The following PAX4 variants were observed in gnomAD, a reference collection of about 807,000 sequenced individuals.
PAX4 encodes paired box 4.
A neutral mutation model predicts 40.6 loss-of-function variants in PAX4; 33 were observed. That is an observed-to-expected ratio of 0.81 (90% CI 0.62 to 1.09). The LOEUF (loss-of-function observed/expected upper bound fraction) is 1.09. PAX4 is among the 50% of genes least tolerant of loss of function. The pLI is 0.00. For synonymous variants in PAX4, 174 were observed against 170.6 expected (o/e 1.02, Z -0.16); for missense variants, 459 against 442.5 (o/e 1.04, Z -0.33).
At chr7:127,614,636 C>G in intron 5 of PAX4, 79 bp from the exon 6 acceptor site, 1 of 1,290,988 alleles carries the variant, frequency 7.7e-7, no homozygotes, top group Non-Finnish European at 1.1e-6. Flanking sequence ...CCTTAATATC[C>G]TTTTTCCCAT....
Position 127,610,759 on chromosome 7 carries a change from G to T in PAX4, c.*305C>A, listed in dbSNP as rs186078309. 3.6e-4 allele frequency: 315 copies of T among 875,328 alleles called. 2 individuals are homozygous for T. In the African/African-American group the frequency reaches 3.9e-3, roughly 11 times the overall value. 54.2% of individuals were successfully genotyped at this position (875,328 alleles called of 1,614,324 possible). On this transcript the variant is annotated 3_prime_UTR_variant, in exon 12 of 12. Coordinates refer to ENST00000639438, the MANE Select transcript of PAX4 (RefSeq NM_001366110.1). Reference sequence around the variant, plus strand: ...CTATAATTGTTGAATATTAGAGTGGGCATAGGGGTGCTCATAGGGAAAACA... The same window carrying T: ...CTATAATTGTTGAATATTAGAGTGGTCATAGGGGTGCTCATAGGGAAAACA...
At chr7:127,616,276 C>T (rs563953698) in intron 2 of PAX4, among the ~76,000 whole-genome samples, 3 of 152,304 alleles carry the variant, frequency 2.0e-5, no homozygotes, top group African/African-American at 4.8e-5. Flanking sequence ...CTTTCCTACA[C>T]ATTCATTAGA....
chr7:127,611,374 G>C (rs1046706163), intron 11 of PAX4, among the ~76,000 whole-genome samples, 161 bp downstream of exon 11: 6 of 152,114 alleles, frequency 3.9e-5, no homozygotes, highest in African/African-American at 1.4e-4. Context: ...ATAGACTCAG[G>C]GGTTACTAGT....
In PAX4 at chr7:127,615,537, C is replaced by T. The variant is rs770354965; in HGVS notation, c.14-6G>A. ...CTGGTTCATGCTGCTGATCCCTGGG[C>T]GTGAGACAGAGGTATCCACACACCA... On this transcript the variant is annotated splice_polypyrimidine_tract_variant and splice_region_variant and intron_variant, in intron 3 of 11. Coordinates refer to ENST00000639438, the MANE Select transcript of PAX4 (RefSeq NM_001366110.1). 8.1e-6 allele frequency: 13 copies of T among 1,613,636 alleles called. No individual in the cohort carries two copies. The highest frequency in any genetic ancestry group is 5.3e-5 in the African/African-American group (4 of 74,902).
At chr7:127,612,959 G>A in intron 9 of PAX4, 63 bp downstream of exon 9, 1 of 1,205,796 alleles carries the variant, frequency 8.3e-7, no homozygotes, top group Non-Finnish European at 1.2e-6. Context: ...ATGGATGGAT[G>A]GATGGATGGA....
chr7:127,615,548 G>T lies in PAX4; in HGVS notation c.14-17C>A. On this transcript the variant is annotated splice_polypyrimidine_tract_variant and intron_variant, in intron 3 of 11. Transcript: ENST00000639438. ...TGCTGATCCCTGGGCGTGAGACAGA[G>T]GTATCCACACACCACCTCTCCCACT... 1 of 1,613,500 alleles carries T rather than the reference G, an allele frequency of 6.2e-7. No homozygotes were observed. The highest frequency in any genetic ancestry group is 8.5e-7 in the Non-Finnish European group (1 of 1,179,922).
At chr7:127,615,634 G>A (rs985317942) in intron 3 of PAX4, 103 bp from the exon 4 acceptor site, 6 of 1,599,362 alleles carry the variant, frequency 3.8e-6, no homozygotes, top group East Asian at 2.2e-5. Context: ...CCACCACCGA[G>A]TGCATCCTCT....
At chr7:127,615,168 G>A in intron 4 of PAX4, 73 bp from the exon 5 acceptor site, 3 of 1,611,176 alleles carry the variant, frequency 1.9e-6, no homozygotes. Flanking sequence ...TGGGACAGGA[G>A]GAGGCTATAA....
chr7:127,615,717 TGA>T, intron 3 of PAX4, 186 bp from the exon 4 acceptor site: 1 of 1,506,528 alleles, frequency 6.6e-7, no homozygotes, highest in Non-Finnish European at 8.8e-7. Flanking sequence ...GGCTCACGGG[TGA>T]GTCTTTGTTC....
At position 127,615,989 on chromosome 7, in the gene PAX4, T is replaced by C; in HGVS notation, c.-61A>G. 6.5e-7 allele frequency: 1 copy of C among 1,531,746 alleles called. No individual in the cohort carries two copies. The highest frequency in any genetic ancestry group is 8.7e-7 in the Non-Finnish European group (1 of 1,143,400). 94.9% of individuals were successfully genotyped at this position (1,531,746 alleles called of 1,614,324 possible). A position where few individuals can be genotyped will look rare whatever the true frequency, so the allele number is the denominator to read the frequency against. On this transcript the variant is annotated 5_prime_UTR_variant, in exon 3 of 12. Transcript: ENST00000639438. ...CAGCTGGGAAGGCTGGGAAGGGAAG[T>C]TCCTTCTAGGAGCTCCTTTTCCAGC...
rs1220882761 is a variant in PAX4 at position 127,615,056 on chromosome 7, A to C, written c.184T>G (p.Tyr62Asp). 1 of 1,614,202 alleles carries C rather than the reference A, an allele frequency of 6.2e-7. No individual in the cohort carries two copies. Among genetic ancestry groups the C allele is most frequent in the East Asian group, 2.2e-5 (1 of 44,878 alleles). Residue 62 changes from tyrosine to aspartate, a missense_variant, in exon 5 of 12, where the codon TAC becomes GAC. Transcript: ENST00000639438. ...GCVSKILGRYYRTGVLEPKGI... is the reference protein window; with the variant it reads ...GCVSKILGRYDRTGVLEPKGI... The stretch of plus-strand genomic sequence containing the variant: ...TTTGGCTCCAAGACACCTGTGCGGT[A>C]GTAACGCCCTAGGATCTTGCTCACA...
At chr7:127,611,248 C>T (rs1311116290) in intron 11 of PAX4, 42 bp from the exon 12 acceptor site, 1 of 1,520,308 alleles carries the variant, frequency 6.6e-7, no homozygotes, top group Non-Finnish European at 9.0e-7. Context: ...ATTGCTCCCA[C>T]CCCACCTCTC....
chr7:127,615,752 C>T (rs1380791831), intron 3 of PAX4, 164 bp downstream of exon 3: 72 of 1,498,904 alleles, frequency 4.8e-5, no homozygotes, highest in Non-Finnish European at 6.1e-5. Flanking sequence ...CGCCAACTCT[C>T]CTGATCTAAG....
chr7:127,614,771 G>C (rs1587551524), intron 5 of PAX4, 109 bp downstream of exon 5: 2 of 1,452,382 alleles, frequency 1.4e-6, no homozygotes, highest in Non-Finnish European at 1.9e-6. Context: ...AATTGCCCAG[G>C]AGCCCTGTCA....
At position 127,613,069 on chromosome 7, in the gene PAX4, G is replaced by C. The variant is rs372751660; in HGVS notation, c.668C>G (p.Ala223Gly). Residue 223 changes from alanine to glycine, a missense_variant, in exon 9 of 12, where the codon GCC becomes GGC. Physicochemically the swap from Ala to Gly is moderately conservative, Grantham distance 60. Transcript: ENST00000639438. ...TVRVWFSNRRAKWRRQEKLKW... is the reference protein window; with the variant it reads ...TVRVWFSNRRGKWRRQEKLKW... ...GAGCTTCTCTTGCCGACGCCATTTG[G>C]CTCTTCTGTTGGAAAACCAGACCTG... 6.2e-7 allele frequency: 1 copy of C among 1,613,500 alleles called. No homozygotes were observed. Among genetic ancestry groups the C allele is most frequent in the Non-Finnish European group, 8.5e-7 (1 of 1,179,974 alleles).
At chr7:127,617,197 G>A (rs327512) in intron 2 of PAX4, 78 bp downstream of exon 2, 102,785 of 151,948 alleles carry the variant, frequency 0.68, 35,913 homozygotes, top group Middle Eastern at 0.82. Context: ...ACTAGCACCA[G>A]TGAAACAAAG....
intron 2 of PAX4, 41 bp from the exon 3 acceptor site, chr7:127,616,068 G>A: frequency 9.9e-7 from 1 of 1,011,848 alleles, no homozygotes. Context: ...TCTTTTGCTT[G>A]AAATGGTCCT....
intron 11 of PAX4, 99 bp from the exon 12 acceptor site, chr7:127,611,305 A>C (rs537097766): frequency 7.6e-7 from 1 of 1,313,778 alleles, no homozygotes; most frequent in South Asian, 1.2e-5. Flanking sequence ...CCCACCCTGC[A>C]TATACACACT....
At chr7:127,613,416 T>C in intron 8 of PAX4, 34 bp downstream of exon 8, 2 of 1,601,748 alleles carry the variant, frequency 1.2e-6, no homozygotes, top group Non-Finnish European at 1.7e-6. Flanking sequence ...CTCTTCCTCC[T>C]TGTGGTTTGT....
Sources: gnomAD v4.1 joint callset for allele counts (sites outside exome capture counted in the v4.1 genomes callset) on GRCh38, gnomAD v4.1.1 for gene constraint, MANE v1.5 for transcripts, NCBI Gene and HGNC (gene_info 2026-07-23, HGNC 2026-07-21) for gene names.